The following SLC15A1 variants were observed in gnomAD, a reference collection of about 807,000 sequenced individuals.
SLC15A1 encodes Caco-2 oligopeptide transporter.
A neutral mutation model predicts 92.9 loss-of-function variants in SLC15A1; 83 were observed. The observed-to-expected ratio is 0.89, with a 90% CI of 0.75 to 1.07. The LOEUF is 1.07. SLC15A1 is among the 50% of genes least tolerant of loss of function. The probability of loss-of-function intolerance (pLI) is 0.00; values close to 1 mark genes in which losing one functional copy is unlikely to be tolerated. For synonymous variants in SLC15A1, 322 were observed against 318.2 expected, an observed-to-expected ratio of 1.01 and a Z score of -0.13; for missense variants, 857 against 880.1, an observed-to-expected ratio of 0.97 and a Z score of 0.33.
chr13:98,724,113 C>T, intron 4 of SLC15A1, 82 bp from the exon 5 acceptor site: 4 of 1,562,630 alleles, frequency 2.6e-6, no homozygotes, highest in Non-Finnish European at 3.5e-6. Flanking sequence ...AGACCCCCTC[C>T]TTGAAAGCTT....
intron 9 of SLC15A1, among the ~76,000 whole-genome samples, chr13:98,715,263 C>T (rs2088203884): frequency 6.6e-6 from 1 of 152,236 alleles, no homozygotes; most frequent in Non-Finnish European, 1.5e-5. Context: ...CAACCTCTGC[C>T]TCCCAGGTTC....
chr13:98,688,620 A>G (rs1223558097), intron 18 of SLC15A1, 43 bp from the exon 19 acceptor site: 4 of 1,430,556 alleles, frequency 2.8e-6, no homozygotes, highest in East Asian at 2.3e-5. Context: ...ACTAGAGAAT[A>G]ATATATTCTA....
intron 1 of SLC15A1, among the ~76,000 whole-genome samples, chr13:98,731,329 CG>C (rs776377809): frequency 1.3e-5 from 2 of 152,188 alleles, no homozygotes; most frequent in Non-Finnish European, 2.9e-5. Context: ...AAGGGCTGGT[CG>C]GGCAAGCGTG....
At chr13:98,687,313 T>C (rs1265197173) in intron 21 of SLC15A1, among the ~76,000 whole-genome samples, 1 of 152,108 alleles carries the variant, frequency 6.6e-6, no homozygotes, top group Non-Finnish European at 1.5e-5. Flanking sequence ...CAGTCAGTAA[T>C]AAATACTGGG....
rs2088148028 is a variant in SLC15A1, at chr13:98,709,910, C to T, written c.902G>A (p.Gly301Asp). 2 of 1,614,054 alleles carry T rather than the reference C, an allele frequency of 1.2e-6. No individual in the cohort carries two copies. The highest frequency in any genetic ancestry group is 1.7e-6 in the Non-Finnish European group (2 of 1,179,988). Reference sequence around the variant, plus strand: ...TGTTGCCTGCAGTGTCCACCTGGAGCCCTTAAAAATGAATACATTTGCTGT... The same window carrying T: ...TGTTGCCTGCAGTGTCCACCTGGAGTCCTTAAAAATGAATACATTTGCTGT... The part of the protein sequence containing the change: ...PMFWALFDQQ[G>D]SRWTLQATTM... The change falls in exon 12 of 23, where the codon GGC becomes GAC. Residue 301 changes from glycine (G) to aspartate (D), a missense_variant and splice_region_variant. Gly to Asp is a moderately conservative substitution (Grantham distance 94). Transcript: ENST00000376503.
chr13:98,692,260 C>T (rs1030355011), intron 18 of SLC15A1, among the ~76,000 whole-genome samples: 2 of 148,604 alleles, frequency 1.3e-5, no homozygotes, highest in Admixed American at 6.8e-5. Flanking sequence ...CTCAAACAAT[C>T]CTCTCACCTC....
chr13:98,685,134 C>G (rs1354207949), intron 22 of SLC15A1, among the ~76,000 whole-genome samples: 1 of 152,142 alleles, frequency 6.6e-6, no homozygotes, highest in Non-Finnish European at 1.5e-5. Flanking sequence ...ATGTTTTGAA[C>G]AGCACTAAGG....
intron 18 of SLC15A1, among the ~76,000 whole-genome samples, chr13:98,688,817 T>A (rs1384812871): frequency 2.6e-5 from 4 of 152,236 alleles, no homozygotes; most frequent in Admixed American, 2.6e-4. Flanking sequence ...TGGTTACTGC[T>A]CTAAGTACTT....
At chr13:98,707,941 T>TTATA (rs60611613) in intron 15 of SLC15A1, among the ~76,000 whole-genome samples, 20 of 145,644 alleles carry the variant, frequency 1.4e-4, no homozygotes, top group African/African-American at 3.7e-4. Context: ...AAATGTTATG[T>TTATA]TATATATATA....
chr13:98,724,100 A>G, intron 4 of SLC15A1, 69 bp from the exon 5 acceptor site: 1 of 1,588,030 alleles, frequency 6.3e-7, no homozygotes, highest in Non-Finnish European at 8.6e-7. Flanking sequence ...ACTCCACCAC[A>G]AAAGACCCCC....
intron 9 of SLC15A1, among the ~76,000 whole-genome samples, chr13:98,714,220 A>G (rs2088192820): frequency 6.6e-6 from 1 of 152,136 alleles, no homozygotes; most frequent in Admixed American, 6.6e-5. Flanking sequence ...GGTAATTGGT[A>G]AGGTCCCCTC....
intron 18 of SLC15A1, among the ~76,000 whole-genome samples, chr13:98,690,267 GGA>G (rs1238174320): frequency 6.6e-6 from 1 of 152,174 alleles, no homozygotes; most frequent in Non-Finnish European, 1.5e-5. Context: ...TTAGGTGCTG[GGA>G]GAAAATGGCT....
chr13:98,747,203 G>A (rs144618433), intron 1 of SLC15A1, among the ~76,000 whole-genome samples: 93 of 152,284 alleles, frequency 6.1e-4, no homozygotes, highest in Non-Finnish European at 7.5e-4. Flanking sequence ...AACCGTGCTC[G>A]CTCAGCTGAG....
Position 98,752,585 on chromosome 13 carries a change from C to T in SLC15A1, c.4+10G>A. ...TTTAGCCCGGCCGGCCCCCCACCCG[C>T]CGAGCGTACCCATGGCGGCGGCTCC... On this transcript the variant is annotated intron_variant, in intron 1 of 22. Coordinates refer to ENST00000376503, the MANE Select transcript of SLC15A1 (RefSeq NM_005073.4). 7.9e-7 allele frequency: 1 copy of T among 1,258,464 alleles called. No homozygotes were observed. Among genetic ancestry groups the T allele is most frequent in the Non-Finnish European group, 1.0e-6 (1 of 1,001,884 alleles). 78.0% of individuals were successfully genotyped at this position (1,258,464 alleles called of 1,614,324 possible). A position where few individuals can be genotyped will look rare whatever the true frequency, so the allele number is the denominator to read the frequency against.
intron 1 of SLC15A1, among the ~76,000 whole-genome samples, chr13:98,739,553 T>C (rs774854595): frequency 7.9e-5 from 12 of 152,166 alleles, no homozygotes; most frequent in Non-Finnish European, 1.6e-4. Context: ...TTTAAAAGTA[T>C]GTAGCACCTC....
At position 98,723,934 on chromosome 13, in the gene SLC15A1, G is replaced by C. The variant is rs149558491; in HGVS notation, c.343C>G (p.Pro115Ala). Reference protein sequence around the residue: ...DLTDHNHDGTPDSLPVHVVLS... With the variant: ...DLTDHNHDGTADSLPVHVVLS... ...CACACGTGCACAGGAAGGCTGTCGG[G>C]GGTGCCATCATGGTTGTGGTCTGTG... Residue 115 changes from proline to alanine, a missense_variant, in exon 5 of 23, where the codon CCC becomes GCC. By Grantham distance (27) the Pro-to-Ala change is conservative. Transcript: ENST00000376503. 228 of 1,614,054 alleles carry C rather than the reference G, an allele frequency of 1.4e-4. No homozygotes were observed. The highest frequency in any genetic ancestry group is 1.9e-4 in the Non-Finnish European group (221 of 1,180,012).
rs558562626 is a variant in SLC15A1 at position 98,711,841 on chromosome 13, A to G, written c.900+13T>C. The G allele has an allele frequency of 1.1e-4, 182 of 1,597,500 alleles. 2 individuals are homozygous for G. The South Asian group carries it at 1.9e-3, about 17-fold the overall frequency. On this transcript the variant is annotated intron_variant, in intron 11 of 22. Transcript: ENST00000376503. ...GCTCCGTGAAGAAGAGCACAAGCAG[A>G]GTTTCACATTACCTGCTGGTCAAAC... is the stretch of plus-strand genomic sequence containing the variant.
intron 1 of SLC15A1, among the ~76,000 whole-genome samples, chr13:98,731,948 AG>A (rs1029438821): frequency 1.6e-4 from 24 of 152,234 alleles, no homozygotes; most frequent in African/African-American, 5.8e-4. Flanking sequence ...GTGTATTCCA[AG>A]AACTGCTTTT....
intron 1 of SLC15A1, among the ~76,000 whole-genome samples, chr13:98,741,625 G>A (rs533872623): frequency 6.6e-6 from 1 of 151,768 alleles, no homozygotes; most frequent in East Asian, 1.9e-4. Context: ...TCAAGAGGCT[G>A]AGGCCCGAGA....
Sources: gnomAD v4.1 joint callset for allele counts (sites outside exome capture counted in the v4.1 genomes callset) on GRCh38, gnomAD v4.1.1 for gene constraint, MANE v1.5 for transcripts, NCBI Gene and HGNC (gene_info 2026-07-23, HGNC 2026-07-21) for gene names.